Variants in SLC25A21 observed in about 807,000 individuals in gnomAD.
SLC25A21 encodes mitochondrial 2-oxodicarboxylate carrier.
A neutral mutation model predicts 43.8 loss-of-function variants in SLC25A21; 47 were observed. The observed-to-expected ratio is 1.07, with a 90% confidence interval of 0.85 to 1.37. The LOEUF is 1.37. Among genes scored for constraint, SLC25A21 ranks in the 40% most tolerant of loss-of-function variants. The pLI is 0.00. For missense variants in SLC25A21, 352 were observed against 350.2 expected (o/e 1.00, Z -0.04); for synonymous variants, 131 against 121.3 (o/e 1.08, Z -0.52).
At chr14:36,914,485 T>C (rs2138616041) in intron 1 of SLC25A21, among the ~76,000 whole-genome samples, 2 of 152,346 alleles carry the variant, frequency 1.3e-5, no homozygotes, top group African/African-American at 4.8e-5. Context: ...TTTTGTATTT[T>C]AATTTCCAAG....
At chr14:36,991,992 T>C (rs1566797350) in intron 1 of SLC25A21, among the ~76,000 whole-genome samples, 1 of 152,172 alleles carries the variant, frequency 6.6e-6, no homozygotes, top group East Asian at 1.9e-4. Flanking sequence ...CGTGTTACAG[T>C]AGTTTGGGGT....
intron 1 of SLC25A21, among the ~76,000 whole-genome samples, chr14:36,877,720 G>A (rs1299395103): frequency 7.1e-6 from 1 of 140,184 alleles, no homozygotes; most frequent in Non-Finnish European, 1.6e-5. Flanking sequence ...GAGGCATGGA[G>A]GAAAGATATT....
intron 1 of SLC25A21, among the ~76,000 whole-genome samples, chr14:37,032,051 T>C (rs1215033703): frequency 6.6e-6 from 1 of 152,100 alleles, no homozygotes; most frequent in Non-Finnish European, 1.5e-5. Context: ...CTCATTCCCA[T>C]TCAACATTCC....
chr14:37,119,846 A>G (rs1447370220), intron 1 of SLC25A21, among the ~76,000 whole-genome samples: 1 of 152,158 alleles, frequency 6.6e-6, no homozygotes, highest in East Asian at 1.9e-4. Context: ...CATCAACTAC[A>G]AAGATCTTAC....
chr14:36,843,414 A>G (rs1428856444), intron 2 of SLC25A21, among the ~76,000 whole-genome samples: 3 of 152,212 alleles, frequency 2.0e-5, no homozygotes, highest in African/African-American at 7.2e-5. Flanking sequence ...TAGTCAGTGT[A>G]TTCACTTCAC....
intron 4 of SLC25A21, among the ~76,000 whole-genome samples, chr14:36,731,124 T>C (rs1955737): frequency 0.72 from 108,493 of 151,252 alleles, 39,824 homozygotes; most frequent in African/African-American, 0.88. Flanking sequence ...AGGCGCCCGC[T>C]ACCACGCCCG....
chr14:36,688,731 C>T (rs1479575396), intron 7 of SLC25A21, among the ~76,000 whole-genome samples: 4 of 152,222 alleles, frequency 2.6e-5, no homozygotes, highest in East Asian at 3.8e-4. Flanking sequence ...TAAAAATAAA[C>T]GTTGATTGAA....
At chr14:36,931,780 T>G (rs941325723) in intron 1 of SLC25A21, among the ~76,000 whole-genome samples, 1 of 152,090 alleles carries the variant, frequency 6.6e-6, no homozygotes, top group Non-Finnish European at 1.5e-5. Context: ...ACTTGGTAAC[T>G]GACAGGATAT....
At chr14:37,086,336 C>T (rs1962486374) in intron 1 of SLC25A21, among the ~76,000 whole-genome samples, 1 of 152,154 alleles carries the variant, frequency 6.6e-6, no homozygotes, top group Admixed American at 6.6e-5. Context: ...GACCATACTG[C>T]TAGCCTTCAA....
chr14:37,058,765 G>A (rs758957584), intron 1 of SLC25A21, among the ~76,000 whole-genome samples: 46 of 152,154 alleles, frequency 3.0e-4, no homozygotes, highest in Non-Finnish European at 5.9e-4. Context: ...ATCAAGTTCT[G>A]CTGAGGCTGA....
chr14:36,792,788 A>G (rs1887535088), intron 3 of SLC25A21, among the ~76,000 whole-genome samples: 1 of 152,190 alleles, frequency 6.6e-6, no homozygotes, highest in Non-Finnish European at 1.5e-5. Flanking sequence ...TCTCTCATTA[A>G]AAAAGTTAAA....
chr14:36,869,563 T>G (rs1339174206), intron 2 of SLC25A21, among the ~76,000 whole-genome samples: 2 of 152,140 alleles, frequency 1.3e-5, no homozygotes, highest in African/African-American at 4.8e-5. Context: ...TGGGAATATG[T>G]AACTAGAAGC....
chr14:37,092,414 T>C (rs192559218), intron 1 of SLC25A21, among the ~76,000 whole-genome samples: 192 of 152,298 alleles, frequency 1.3e-3, no homozygotes, highest in Non-Finnish European at 1.1e-3. Context: ...ACAGTAGTTG[T>C]TGCTGGCATC....
At chr14:37,160,196 C>A (rs546056465) in intron 1 of SLC25A21, among the ~76,000 whole-genome samples, 1 of 152,186 alleles carries the variant, frequency 6.6e-6, no homozygotes, top group Non-Finnish European at 1.5e-5. Context: ...ACCACTCGAT[C>A]CAGCAATTCC....
In SLC25A21 at chr14:36,853,629, C is replaced by A. The variant is rs569811906; in HGVS notation, c.119+21327G>T. Among the ~76,000 whole-genome samples the A allele has an allele frequency of 3.9e-5, 6 of 152,256 alleles. No individual in the cohort carries two copies. In the South Asian group the frequency reaches 8.3e-4, roughly 21 times the overall value. ...TCCTCAGCCCATTTGGACATGTAAACATGCGCTTACTCTACTAAATAGTTG... is the reference window on the plus strand; with the variant it reads ...TCCTCAGCCCATTTGGACATGTAAAAATGCGCTTACTCTACTAAATAGTTG... On this transcript the variant is annotated intron_variant, in intron 2 of 9. Coordinates refer to ENST00000331299, the MANE Select transcript of SLC25A21 (RefSeq NM_030631.4).
At chr14:36,720,729 T>C (rs1183188974) in intron 6 of SLC25A21, among the ~76,000 whole-genome samples, 14 of 152,276 alleles carry the variant, frequency 9.2e-5, no homozygotes, top group Non-Finnish European at 1.5e-5. Context: ...TGTGGTAGAA[T>C]TCTTCCCAAA....
intron 1 of SLC25A21, among the ~76,000 whole-genome samples, chr14:37,028,202 T>C (rs936183903): frequency 2.6e-4 from 39 of 152,078 alleles, no homozygotes; most frequent in Admixed American, 2.6e-3. Flanking sequence ...ATACTTACAG[T>C]GTAAATCTTT....
chr14:37,156,050 T>G (rs1963842902), intron 1 of SLC25A21, among the ~76,000 whole-genome samples: 1 of 151,338 alleles, frequency 6.6e-6, no homozygotes, highest in South Asian at 2.1e-4. Context: ...CCCCAGCTAC[T>G]CAGGAGGCTG....
At chr14:36,819,794 C>T (rs1425777907) in intron 2 of SLC25A21, among the ~76,000 whole-genome samples, 2 of 151,972 alleles carry the variant, frequency 1.3e-5, no homozygotes, top group Non-Finnish European at 2.9e-5. Flanking sequence ...ACATATTATA[C>T]ATTTGGTGCA....
Sources: gnomAD v4.1 joint callset for allele counts (sites outside exome capture counted in the v4.1 genomes callset) on GRCh38, gnomAD v4.1.1 for gene constraint, MANE v1.5 for transcripts, NCBI Gene and HGNC (gene_info 2026-07-23, HGNC 2026-07-21) for gene names.